IDE: variants seen among roughly 807,000 people sequenced by gnomAD.
IDE encodes the protein insulin-degrading enzyme.
IDE carries 58 observed loss-of-function variants against 133.2 expected under a neutral mutation model. The ratio of observed to expected loss-of-function variants is 0.44; its 90% CI spans 0.35 to 0.54. The LOEUF is 0.54. IDE is among the 20% of genes least tolerant of loss of function. The pLI, the probability that IDE is intolerant of heterozygous loss-of-function variation, is 0.00. For synonymous variants in IDE, 396 were observed against 421.3 expected (o/e 0.94, Z 0.73); for missense variants, 981 against 1,234.0 (o/e 0.79, Z 3.07).
In IDE at chr10:92,504,556, T is replaced by C. The variant is rs1440132015; in HGVS notation, c.1430+238A>G. 2.0e-5 allele frequency among the ~76,000 whole-genome samples: 3 copies of C among 152,276 alleles called. No homozygotes were observed. The East Asian group carries it at 5.8e-4, about 29-fold the overall frequency. On this transcript the variant is annotated intron_variant, in intron 11 of 24. Coordinates refer to ENST00000265986, the MANE Select transcript of IDE (RefSeq NM_004969.4). ...AAAATGTCCTCATCTTTTAGAGATA[T>C]TGCCTCAAAATAATTTAGGGTGGAA...
chr10:92,482,010 A>C (rs1846640429), intron 14 of IDE, among the ~76,000 whole-genome samples: 1 of 152,216 alleles, frequency 6.6e-6, no homozygotes, highest in Non-Finnish European at 1.5e-5. Flanking sequence ...TCTTTGGTGT[A>C]AACAATAAAA....
intron 1 of IDE, among the ~76,000 whole-genome samples, chr10:92,568,601 A>G (rs1383366203): frequency 1.3e-5 from 2 of 152,160 alleles, no homozygotes; most frequent in Non-Finnish European, 2.9e-5. Flanking sequence ...GGATCACCTG[A>G]GGTCAGGGGT....
At chr10:92,536,502 C>T (rs1842013903) in intron 2 of IDE, among the ~76,000 whole-genome samples, 1 of 148,588 alleles carries the variant, frequency 6.7e-6, no homozygotes, top group South Asian at 2.1e-4. Context: ...AGTTCAAGAC[C>T]AGCCTGACCA....
chr10:92,517,521 C>T (rs1184037125), intron 4 of IDE, among the ~76,000 whole-genome samples: 1 of 152,178 alleles, frequency 6.6e-6, no homozygotes, highest in Non-Finnish European at 1.5e-5. Context: ...AGTCCTTCTA[C>T]CTCAGCCTCC....
rs1850021616 is a variant in IDE at position 92,532,902 on chromosome 10, T to C, written c.492-985A>G. Among the ~76,000 whole-genome samples the C allele has an allele frequency of 2.0e-5, 3 of 152,226 alleles. No individual in the cohort carries two copies. In the South Asian group the frequency reaches 6.2e-4, roughly 32 times the overall value. ...CTGTCACAGAAGCCATTATCATTAC[T>C]TGTTATTTACTTTAAGTGCATAAGA... is the stretch of plus-strand genomic sequence containing the variant. On this transcript the variant is annotated intron_variant, in intron 3 of 24. Transcript: ENST00000265986.
At chr10:92,508,589 C>A in intron 7 of IDE, 139 bp downstream of exon 7, 1 of 657,378 alleles carries the variant, frequency 1.5e-6, no homozygotes, top group Non-Finnish European at 2.5e-6. Flanking sequence ...AACAGCGTGC[C>A]AACAACCACC....
chr10:92,526,418 T>C (rs1849625792), intron 4 of IDE, among the ~76,000 whole-genome samples: 1 of 152,288 alleles, frequency 6.6e-6, no homozygotes, highest in Middle Eastern at 3.4e-3. Context: ...TTTTTCAGAA[T>C]CCTACTGTCC....
Position 92,461,255 on chromosome 10 carries a change from GA to G in IDE, c.2762-4del, listed in dbSNP as rs1314546297. ...TAAATATGCAACCTCAGTGTTATCT[GA>G]AAAAGTAATCAAACAATATTTTACT... On this transcript the variant is annotated splice_polypyrimidine_tract_variant and splice_region_variant and intron_variant, in intron 21 of 24. Coordinates refer to ENST00000265986, the MANE Select transcript of IDE (RefSeq NM_004969.4). The G allele has an allele frequency of 3.6e-6, 5 of 1,399,346 alleles. No homozygotes were observed. The highest frequency in any genetic ancestry group is 5.1e-6 in the Non-Finnish European group (5 of 986,104). 86.7% of individuals were successfully genotyped at this position (1,399,346 alleles called of 1,614,324 possible). A position where few individuals can be genotyped will look rare whatever the true frequency, so the allele number is the denominator to read the frequency against.
At chr10:92,478,211 A>C (rs772190863) in intron 15 of IDE, among the ~76,000 whole-genome samples, 6 of 152,234 alleles carry the variant, frequency 3.9e-5, no homozygotes, top group Non-Finnish European at 7.3e-5. Flanking sequence ...ATGCTACAAA[A>C]TAAGTTTTAA....
chr10:92,485,387 G>A (rs933972277), intron 13 of IDE, among the ~76,000 whole-genome samples: 2 of 152,094 alleles, frequency 1.3e-5, no homozygotes, highest in Admixed American at 6.5e-5. Context: ...CCAAAGTGCT[G>A]GGATTACAGG....
At chr10:92,547,603 T>C (rs1328438706) in intron 1 of IDE, among the ~76,000 whole-genome samples, 1 of 152,216 alleles carries the variant, frequency 6.6e-6, no homozygotes, top group Non-Finnish European at 1.5e-5. Flanking sequence ...TCAAAAAATT[T>C]AGAATTTTGG....
At position 92,515,027 on chromosome 10, in the gene IDE, A is replaced by G; in HGVS notation, c.677T>C (p.Leu226Pro). Reference protein sequence around the residue: ...SKFGTGNKYTLETRPNQEGID... With the variant: ...SKFGTGNKYTPETRPNQEGID... ...GCCTTCTTGGTTTGGTCTAGTCTCC[A>G]GAGTATATTTGTTACCTGGAAGGGA... Residue 226 changes from leucine to proline, a missense_variant, in exon 5 of 25, where the codon CTG becomes CCG. By Grantham distance (98) the Leu-to-Pro change is moderately conservative. Transcript: ENST00000265986. 1 of 1,605,748 alleles carries G rather than the reference A, an allele frequency of 6.2e-7. No homozygotes were observed. Among genetic ancestry groups the G allele is most frequent in the South Asian group, 1.1e-5 (1 of 88,900 alleles).
At position 92,461,235 on chromosome 10, in the gene IDE, A is replaced by G. The variant is rs771089800; in HGVS notation, c.2779T>C (p.Tyr927His). Residue 927 changes from tyrosine to histidine, a missense_variant, in exon 22 of 25, where the codon TAT (tyrosine) becomes CAT (histidine). Tyr to His is a moderately conservative substitution (Grantham distance 83, BLOSUM62 2). Transcript: ENST00000265986. ...TCTTCCTTGGTAAGTGTCTTTAAAT[A>G]TGCAACCTCAGTGTTATCTGAAAAA... ...NFDRDNTEVA[Y>H]LKTLTKEDII... 1 of 1,456,260 alleles carries G rather than the reference A, an allele frequency of 6.9e-7. No individual in the cohort carries two copies. The highest frequency in any genetic ancestry group is 9.6e-7 in the Non-Finnish European group (1 of 1,037,244). The allele number at this position is 1,456,260 out of a possible 1,614,324, so 90.2% of individuals were successfully genotyped here.
At chr10:92,524,456 ATATATTT>A (rs1849474203) in intron 4 of IDE, among the ~76,000 whole-genome samples, 1 of 44,618 alleles carries the variant, frequency 2.2e-5, no homozygotes, top group Non-Finnish European at 3.9e-5. Flanking sequence ...TTTATATATT[ATATATTT>A]TATATAATAT....
chr10:92,549,971 C>T (rs1842704540), intron 1 of IDE, among the ~76,000 whole-genome samples: 1 of 152,054 alleles, frequency 6.6e-6, no homozygotes, highest in Admixed American at 6.6e-5. Context: ...GAGTTCAAGA[C>T]CAGCCTGAAC....
intron 3 of IDE, among the ~76,000 whole-genome samples, chr10:92,534,180 C>A (rs1470423251): frequency 2.0e-5 from 3 of 152,132 alleles, no homozygotes; most frequent in Non-Finnish European, 4.4e-5. Context: ...GTTGAAACAG[C>A]AGGTCAAAAC....
At chr10:92,500,754 AT>A (rs761997179) in intron 11 of IDE, among the ~76,000 whole-genome samples, 2,273 of 143,704 alleles carry the variant, frequency 0.016, 20 homozygotes, top group Non-Finnish European at 0.017. Context: ...ACATTTGGTG[AT>A]TTTTTTTTTT....
intron 1 of IDE, among the ~76,000 whole-genome samples, chr10:92,550,978 G>C (rs1202868433): frequency 6.6e-6 from 1 of 152,238 alleles, no homozygotes; most frequent in Non-Finnish European, 1.5e-5. Context: ...TGGTACAGCA[G>C]TATGGAAAAC....
chr10:92,538,917 G>C (rs913699730), intron 1 of IDE, among the ~76,000 whole-genome samples: 1 of 151,936 alleles, frequency 6.6e-6, no homozygotes, highest in Non-Finnish European at 1.5e-5. Flanking sequence ...TTACCTACAA[G>C]ACAAAACTAA....
Sources: allele counts gnomAD v4.1 joint callset (sites outside exome capture counted in the v4.1 genomes callset), GRCh38; gene constraint gnomAD v4.1.1; transcripts MANE v1.5; gene names NCBI Gene and HGNC (gene_info 2026-07-23, HGNC 2026-07-21).